EPHA7: variants seen among roughly 807,000 people sequenced by gnomAD.
The protein encoded by EPHA7 is EPH receptor A7, also known as ephrin type-A receptor 7.
EPHA7 carries 25 observed loss-of-function variants against 112.6 expected under a neutral mutation model. The observed-to-expected ratio is 0.22, with a 90% CI of 0.16 to 0.31. EPHA7 has a LOEUF of 0.31. Ranked by LOEUF, EPHA7 falls within the 10% of genes least tolerant of loss-of-function variation. The probability of loss-of-function intolerance (pLI) is 1.00; values close to 1 mark genes in which losing one functional copy is unlikely to be tolerated. For synonymous variants in EPHA7, 437 were observed against 406.5 expected (o/e 1.07, Z -0.90); for missense variants, 962 against 1,212.6 (o/e 0.79, Z 3.07).
chr6:93,365,862 G>A (rs945944265), intron 3 of EPHA7, among the ~76,000 whole-genome samples: 10 of 152,070 alleles, frequency 6.6e-5, no homozygotes, highest in African/African-American at 9.7e-5. Flanking sequence ...GGCATTTTAC[G>A]TGTGTGTTTG....
chr6:93,269,345 T>C (rs751077767), intron 7 of EPHA7, 132 bp downstream of exon 7: 24 of 626,194 alleles, frequency 3.8e-5, no homozygotes, highest in Non-Finnish European at 5.4e-5. Flanking sequence ...CAAAGTACAT[T>C]TATATGTACA....
At chr6:93,337,833 C>G (rs143741402) in intron 5 of EPHA7, among the ~76,000 whole-genome samples, 12 of 152,112 alleles carry the variant, frequency 7.9e-5, no homozygotes, top group African/African-American at 2.9e-4. Flanking sequence ...TCTTTGTTCA[C>G]CGTTTATATG....
intron 15 of EPHA7, among the ~76,000 whole-genome samples, chr6:93,246,501 ACTG>A (rs1371157171): frequency 6.6e-6 from 1 of 152,190 alleles, no homozygotes; most frequent in Non-Finnish European, 1.5e-5. Context: ...GAAAATATGA[ACTG>A]CTGCTATCTT....
At chr6:93,282,446 G>C (rs1243182401) in intron 5 of EPHA7, among the ~76,000 whole-genome samples, 1 of 152,230 alleles carries the variant, frequency 6.6e-6, no homozygotes, top group African/African-American at 2.4e-5. Context: ...AATAAAAATT[G>C]AGTTCACTGC....
Position 93,410,435 on chromosome 6 carries a change from G to A in EPHA7, c.832+66C>T. ...TTCACGTATTCAAATAACTATTAAAGTTTAAAATGTCTGATACTGAAATTT... is the reference window on the plus strand; with the variant it reads ...TTCACGTATTCAAATAACTATTAAAATTTAAAATGTCTGATACTGAAATTT... On this transcript the variant is annotated intron_variant, in intron 3 of 16. Transcript: ENST00000369303. This position sits in a 1 kb window ranked among gnomAD's most constrained non-coding sequence, Gnocchi z 4.0. The A allele has an allele frequency of 1.4e-6, 2 of 1,419,272 alleles. No individual in the cohort carries two copies. The highest frequency in any genetic ancestry group is 1.9e-6 in the Non-Finnish European group (2 of 1,036,724). 87.9% of individuals were successfully genotyped at this position (1,419,272 alleles called of 1,614,324 possible).
At chr6:93,398,531 A>C (rs1778288787) in intron 3 of EPHA7, among the ~76,000 whole-genome samples, 1 of 152,052 alleles carries the variant, frequency 6.6e-6, no homozygotes, top group Admixed American at 6.6e-5. Context: ...GAATTTTCTC[A>C]AAGATAAATG....
At chr6:93,274,298 T>A (rs577210518) in intron 5 of EPHA7, among the ~76,000 whole-genome samples, 1 of 152,022 alleles carries the variant, frequency 6.6e-6, no homozygotes, top group Non-Finnish European at 1.5e-5. Context: ...GACTCTGAAT[T>A]CTTCAGGTTA....
chr6:93,281,568 G>A (rs1457741352), intron 5 of EPHA7, among the ~76,000 whole-genome samples: 1 of 152,068 alleles, frequency 6.6e-6, no homozygotes, highest in Non-Finnish European at 1.5e-5. Context: ...AGTAGAATAT[G>A]TGTATACATG....
intron 5 of EPHA7, among the ~76,000 whole-genome samples, chr6:93,284,605 A>G (rs1035022706): frequency 6.6e-6 from 1 of 152,176 alleles, no homozygotes; most frequent in Non-Finnish European, 1.5e-5. Context: ...GCCAATCAAC[A>G]TCAATGACAG....
chr6:93,403,326 G>A (rs367693286), intron 3 of EPHA7, among the ~76,000 whole-genome samples: 11 of 150,470 alleles, frequency 7.3e-5, no homozygotes, highest in African/African-American at 2.7e-4. Flanking sequence ...CTAAGGTGGT[G>A]TAAGAAACTG....
intron 5 of EPHA7, among the ~76,000 whole-genome samples, chr6:93,326,747 A>G (rs977271340): frequency 2.5e-4 from 38 of 151,530 alleles, no homozygotes; most frequent in African/African-American, 8.4e-4. Context: ...TTTCATACTA[A>G]CACACATCCA....
chr6:93,313,644 T>C (rs1045127982), intron 5 of EPHA7, among the ~76,000 whole-genome samples: 1 of 152,028 alleles, frequency 6.6e-6, no homozygotes, highest in East Asian at 1.9e-4. Context: ...ATTAAGATTG[T>C]TAAATTAGAC....
chr6:93,243,909 A>T (rs538554011), intron 16 of EPHA7, among the ~76,000 whole-genome samples: 1 of 152,134 alleles, frequency 6.6e-6, no homozygotes, highest in African/African-American at 2.4e-5. Flanking sequence ...TCTAACTGGA[A>T]AAAGCTTGAT....
chr6:93,375,700 G>A (rs1777026082), intron 3 of EPHA7, among the ~76,000 whole-genome samples: 3 of 150,916 alleles, frequency 2.0e-5, no homozygotes, highest in Non-Finnish European at 4.4e-5. Context: ...AAAAAGTAAT[G>A]AAAAAAGAAT....
At chr6:93,318,377 G>A (rs1773908439) in intron 5 of EPHA7, among the ~76,000 whole-genome samples, 1 of 152,066 alleles carries the variant, frequency 6.6e-6, no homozygotes, top group Non-Finnish European at 1.5e-5. Flanking sequence ...TTGGAACCAC[G>A]CATTCTGAAG....
At chr6:93,326,299 A>G (rs1774316877) in intron 5 of EPHA7, among the ~76,000 whole-genome samples, 1 of 151,418 alleles carries the variant, frequency 6.6e-6, no homozygotes, top group South Asian at 2.1e-4. Flanking sequence ...TCAACAAACA[A>G]GTAAAATCAC....
chr6:93,368,320 G>A (rs1473924176), intron 3 of EPHA7, among the ~76,000 whole-genome samples: 1 of 152,088 alleles, frequency 6.6e-6, no homozygotes, highest in Admixed American at 6.5e-5. Flanking sequence ...TGCCAAAGCT[G>A]TAGCATTTCA....
At chr6:93,274,009 A>G (rs1161244389) in intron 5 of EPHA7, among the ~76,000 whole-genome samples, 1 of 151,998 alleles carries the variant, frequency 6.6e-6, no homozygotes, top group Non-Finnish European at 1.5e-5. Flanking sequence ...TAACTAGTAA[A>G]AACAATAGAC....
At chr6:93,328,790 T>C (rs1230284457) in intron 5 of EPHA7, among the ~76,000 whole-genome samples, 1 of 151,226 alleles carries the variant, frequency 6.6e-6, no homozygotes, top group African/African-American at 2.4e-5. Flanking sequence ...TCTTAAATAA[T>C]AGGGAGAAAG....
Sources: allele counts gnomAD v4.1 joint callset (sites outside exome capture counted in the v4.1 genomes callset), GRCh38; gene constraint gnomAD v4.1.1; non-coding constraint Gnocchi (gnomAD v3.1); transcripts MANE v1.5; gene names NCBI Gene and HGNC (gene_info 2026-07-23, HGNC 2026-07-21).